Variants in FGF14 observed in about 807,000 individuals in gnomAD.
The protein encoded by FGF14 is fibroblast growth factor 14.
A neutral mutation model predicts 25.5 loss-of-function variants in FGF14; 5 were observed. The observed-to-expected ratio is 0.20, with a 90% CI of 0.10 to 0.41. The LOEUF (loss-of-function observed/expected upper bound fraction) is 0.41, where lower values mean the gene tolerates loss of function less well. Among genes scored for constraint, FGF14 ranks in the 10% least tolerant of loss-of-function variants. FGF14 has a pLI of 1.00. For synonymous variants in FGF14, 138 were observed against 118.3 expected, an observed-to-expected ratio of 1.17 and a Z score of -1.08; for missense variants, 222 against 320.1, an observed-to-expected ratio of 0.69 and a Z score of 2.34.
At chr13:102,147,394 A>G (rs2046897960) in intron 1 of FGF14, among the ~76,000 whole-genome samples, 1 of 152,234 alleles carries the variant, frequency 6.6e-6, no homozygotes. Context: ...TTCATAGTGC[A>G]GGCCATTTAT....
At chr13:102,230,193 G>T (rs536301070) in intron 1 of FGF14, among the ~76,000 whole-genome samples, 1 of 152,278 alleles carries the variant, frequency 6.6e-6, no homozygotes, top group South Asian at 2.1e-4. Flanking sequence ...TGTCTATGAG[G>T]AGTGGGCCCT....
intron 1 of FGF14, among the ~76,000 whole-genome samples, chr13:102,161,918 CTG>C (rs1301456068): frequency 2.0e-5 from 3 of 151,454 alleles, no homozygotes; most frequent in African/African-American, 4.8e-5. Context: ...AAAATTATAA[CTG>C]TTTTCTTTTT....
At chr13:101,952,140 A>T (rs948856785) in intron 1 of FGF14, among the ~76,000 whole-genome samples, 1 of 152,162 alleles carries the variant, frequency 6.6e-6, no homozygotes, top group African/African-American at 2.4e-5. Context: ...ATAAGCATCC[A>T]AACTATGCAT....
intron 1 of FGF14, among the ~76,000 whole-genome samples, chr13:102,248,630 T>A (rs1025230156): frequency 6.6e-6 from 1 of 152,138 alleles, no homozygotes; most frequent in Non-Finnish European, 1.5e-5. Context: ...AGGTTTGGAT[T>A]CTGGGCTAAG....
chr13:102,141,310 T>C (rs993276261), intron 1 of FGF14, among the ~76,000 whole-genome samples: 26 of 152,170 alleles, frequency 1.7e-4, no homozygotes, highest in African/African-American at 6.0e-4. Flanking sequence ...AGTGGAGCCA[T>C]GAGTTCAAGA....
chr13:102,124,980 T>C (rs2045892488), intron 1 of FGF14, among the ~76,000 whole-genome samples: 1 of 152,150 alleles, frequency 6.6e-6, no homozygotes, highest in Admixed American at 6.5e-5. Context: ...TTCTCCAGGT[T>C]AAGTTTCTGA....
intron 1 of FGF14, among the ~76,000 whole-genome samples, chr13:102,236,033 C>G (rs888888328): frequency 2.6e-5 from 4 of 152,184 alleles, no homozygotes; most frequent in Non-Finnish European, 5.9e-5. Flanking sequence ...TTACACAAAG[C>G]TTGGCAATCC....
At chr13:101,967,676 A>G (rs2037300900) in intron 1 of FGF14, 1 of 154,042 alleles carries the variant, frequency 6.5e-6, no homozygotes, top group Non-Finnish European at 1.5e-5. Flanking sequence ...TGCTTTACCA[A>G]CTCCATGATA....
chr13:101,732,805 G>T (rs2035899205), intron 3 of FGF14, among the ~76,000 whole-genome samples: 1 of 152,134 alleles, frequency 6.6e-6, no homozygotes, highest in African/African-American at 2.4e-5. Flanking sequence ...ATTCTTAATA[G>T]ATTTCAACTT....
chr13:101,829,233 C>G (rs1350865185), intron 3 of FGF14, among the ~76,000 whole-genome samples: 1 of 151,978 alleles, frequency 6.6e-6, no homozygotes, highest in Admixed American at 6.6e-5. Flanking sequence ...ATTAGACATC[C>G]CTGTGGAAGA....
chr13:101,828,889 C>T (rs2042535857), intron 3 of FGF14, among the ~76,000 whole-genome samples: 2 of 152,058 alleles, frequency 1.3e-5, no homozygotes, highest in East Asian at 1.9e-4. Context: ...CCGTAGTTCC[C>T]TCACACCTTT....
intron 1 of FGF14, among the ~76,000 whole-genome samples, chr13:102,239,711 G>A (rs1392590675): frequency 6.6e-6 from 1 of 152,102 alleles, no homozygotes; most frequent in Non-Finnish European, 1.5e-5. Context: ...AAGAAAACCT[G>A]GACACAGTTT....
chr13:102,070,917 G>A (rs1290362148), intron 1 of FGF14, among the ~76,000 whole-genome samples: 1 of 151,626 alleles, frequency 6.6e-6, no homozygotes, highest in Non-Finnish European at 1.5e-5. Context: ...GGTTCTCTAA[G>A]GACTGCAATC....
chr13:102,106,353 T>C (rs564637205), intron 1 of FGF14, among the ~76,000 whole-genome samples: 3 of 152,134 alleles, frequency 2.0e-5, no homozygotes, highest in South Asian at 4.1e-4. Context: ...GGTGAATCAC[T>C]TGAGGTCAGG....
chr13:102,056,810 T>C (rs1323595352), intron 1 of FGF14, among the ~76,000 whole-genome samples: 1 of 149,178 alleles, frequency 6.7e-6, no homozygotes, highest in Admixed American at 6.7e-5. Context: ...AAAATGAATA[T>C]ATATTTATAT....
rs1019209761 is a variant in FGF14 at position 101,721,118 on chromosome 13, A to G, written c.*1713T>C. ...AGAGGCCAGTACATTGATCCCACAT[A>G]TAATTTTCAATAAATGAGGTTCAGT... On this transcript the variant is annotated 3_prime_UTR_variant, in exon 5 of 5. Coordinates refer to ENST00000376143, the MANE Select transcript of FGF14 (RefSeq NM_004115.4). 6 of 152,158 alleles carry G rather than the reference A, an allele frequency of 3.9e-5. No individual in the cohort carries two copies. The South Asian group carries it at 6.2e-4, about 16-fold the overall frequency. The allele number at this position is 152,158 out of a possible 1,614,324, so 9.4% of individuals were successfully genotyped here.
chr13:102,302,396 C>T (rs893993191), intron 1 of FGF14, among the ~76,000 whole-genome samples: 4 of 152,042 alleles, frequency 2.6e-5, no homozygotes, highest in South Asian at 2.1e-4. Flanking sequence ...TCCTCAAATC[C>T]CTGTGCTGTA....
At chr13:102,202,942 G>A (rs2049731742) in intron 1 of FGF14, among the ~76,000 whole-genome samples, 1 of 152,126 alleles carries the variant, frequency 6.6e-6, no homozygotes, top group African/African-American at 2.4e-5. Context: ...CGATACTGGT[G>A]CTCAGGAGGC....
At chr13:102,014,894 T>G (rs973450784) in intron 1 of FGF14, among the ~76,000 whole-genome samples, 1 of 152,180 alleles carries the variant, frequency 6.6e-6, no homozygotes, top group Non-Finnish European at 1.5e-5. Flanking sequence ...GTCAAAAAGA[T>G]TTTTCTATTC....
Sources: gnomAD v4.1 joint callset for allele counts (sites outside exome capture counted in the v4.1 genomes callset) on GRCh38, gnomAD v4.1.1 for gene constraint, MANE v1.5 for transcripts, NCBI Gene and HGNC (gene_info 2026-07-23, HGNC 2026-07-21) for gene names.